The following ATRAID variants were observed in gnomAD, a reference collection of about 807,000 sequenced individuals.
ATRAID encodes the protein all-trans retinoic acid-induced differentiation factor.
A neutral mutation model predicts 28.8 loss-of-function variants in ATRAID; 26 were observed. That is an observed-to-expected ratio of 0.90 (90% CI 0.66 to 1.25). The LOEUF (loss-of-function observed/expected upper bound fraction) is 1.25, where lower values mean the gene tolerates loss of function less well. Ranked by LOEUF, ATRAID falls within the 50% of genes most tolerant of loss-of-function variation. The probability of loss-of-function intolerance (pLI) is 0.00; values close to 1 mark genes in which losing one functional copy is unlikely to be tolerated. For missense variants in ATRAID, 308 were observed against 285.9 expected, an observed-to-expected ratio of 1.08 and a Z score of -0.56; for synonymous variants, 131 against 108.5, an observed-to-expected ratio of 1.21 and a Z score of -1.29.
chr2:27,215,697 T>C lies in ATRAID; in HGVS notation c.431T>C (p.Ile144Thr). The C allele has an allele frequency of 6.2e-7, 1 of 1,614,248 alleles. No individual in the cohort carries two copies. Among genetic ancestry groups the C allele is most frequent in the Non-Finnish European group, 8.5e-7 (1 of 1,180,044 alleles). ...GCCTGGAATACTATCACCTCTTATA[T>C]AGACAACCAAATCTGTCAAGGGCAA... The part of the protein sequence containing the change: ...INAWNTITSY[I>T]DNQICQGQKN... The change falls in exon 5 of 7, where the codon ATA becomes ACA. Residue 144 changes from isoleucine to threonine, a missense_variant. Ile to Thr is a moderately conservative substitution (Grantham distance 89, BLOSUM62 -1). Transcript: ENST00000380171.
chr2:27,216,483 A>G (rs999555123), intron 5 of ATRAID, 40 bp from the exon 6 acceptor site: 5 of 1,434,328 alleles, frequency 3.5e-6, no homozygotes, highest in Non-Finnish European at 4.9e-6. Context: ...GCCTAATGAA[A>G]TGGATAAAGT....
intron 1 of ATRAID, chr2:27,212,720 CT>C: frequency 8.4e-7 from 1 of 1,188,788 alleles, no homozygotes; most frequent in East Asian, 3.0e-5. Context: ...ACTTTAAGTT[CT>C]TTCTACAGAC....
At chr2:27,214,422 T>TC (rs1674747060) in intron 2 of ATRAID, among the ~76,000 whole-genome samples, 1 of 152,258 alleles carries the variant, frequency 6.6e-6, no homozygotes, top group Non-Finnish European at 1.5e-5. Context: ...GTGACTTTTT[T>TC]TTTTTAATTT....
chr2:27,215,693 T>A lies in ATRAID; in HGVS notation c.427T>A (p.Tyr143Asn), dbSNP rs747845423. 4 of 1,614,112 alleles carry A rather than the reference T, an allele frequency of 2.5e-6. No homozygotes were observed. Among genetic ancestry groups the A allele is most frequent in the Middle Eastern group, 1.6e-4 (1 of 6,084 alleles). Residue 143 changes from tyrosine (Y) to asparagine (N), a missense_variant, in exon 5 of 7, where the codon TAT becomes AAT. By Grantham distance (143) the Tyr-to-Asn change is moderately radical. Transcript: ENST00000380171. The part of the protein sequence containing the change: ...GINAWNTITS[Y>N]IDNQICQGQK... ...TAATGCCTGGAATACTATCACCTCT[T>A]ATATAGACAACCAAATCTGTCAAGG...
At chr2:27,216,680 A>G in intron 6 of ATRAID, 60 bp downstream of exon 6, 3 of 1,521,924 alleles carry the variant, frequency 2.0e-6, no homozygotes, top group South Asian at 2.3e-5. Context: ...GTCTTCTCAG[A>G]AAGGAGAGCC....
Position 27,212,556 on chromosome 2 carries a change from G to A in ATRAID, c.99+89G>A. 5 of 1,492,488 alleles carry A rather than the reference G, an allele frequency of 3.4e-6. No individual in the cohort carries two copies. In the South Asian group the frequency reaches 6.5e-5, roughly 19 times the overall value. 92.5% of individuals were successfully genotyped at this position (1,492,488 alleles called of 1,614,324 possible). A position where few individuals can be genotyped will look rare whatever the true frequency, so the allele number is the denominator to read the frequency against. Reference sequence around the variant, plus strand: ...CCAGCGGCTCCCCCTTCTCCTCGGCGGGCCTGCGGTTCTGATTTCGTCCCT... The same window carrying A: ...CCAGCGGCTCCCCCTTCTCCTCGGCAGGCCTGCGGTTCTGATTTCGTCCCT... On this transcript the variant is annotated intron_variant, in intron 1 of 6. Transcript: ENST00000380171.
chr2:27,216,266 T>C, intron 5 of ATRAID: 3 of 463,848 alleles, frequency 6.5e-6, no homozygotes, highest in Non-Finnish European at 7.8e-6. Context: ...TGTCATCAGT[T>C]AAGGCTATTT....
intron 2 of ATRAID, chr2:27,213,572 C>T: frequency 3.3e-6 from 1 of 301,274 alleles, no homozygotes; most frequent in African/African-American, 2.2e-5. Context: ...TCTCTTCTTT[C>T]CTTCATCTAC....
Position 27,215,704 on chromosome 2 carries a change from C to T in ATRAID, c.438C>T (p.Asn146=). The T allele has an allele frequency of 1.2e-6, 2 of 1,614,188 alleles. No homozygotes were observed. Among genetic ancestry groups the T allele is most frequent in the Non-Finnish European group, 1.7e-6 (2 of 1,180,034 alleles). The change falls in exon 5 of 7, where the codon AAC becomes AAT. Residue 146 remains asparagine, a synonymous_variant. Coordinates refer to ENST00000380171, the MANE Select transcript of ATRAID (RefSeq NM_001170795.4). ...ATACTATCACCTCTTATATAGACAACCAAATCTGTCAAGGGCAAAAGAACC... is the reference window on the plus strand; with the variant it reads ...ATACTATCACCTCTTATATAGACAATCAAATCTGTCAAGGGCAAAAGAACC... ...AWNTITSYID[N]QICQGQKNLC... is the part of the protein sequence containing the mutation.
chr2:27,213,718 C>A (rs1674711294), intron 2 of ATRAID, among the ~76,000 whole-genome samples: 1 of 152,076 alleles, frequency 6.6e-6, no homozygotes, highest in East Asian at 1.9e-4. Flanking sequence ...TAGTCCCAAC[C>A]CACTTTTCCA....
In ATRAID at chr2:27,216,909, G is replaced by A; in HGVS notation, c.651G>A (p.Leu217=). The A allele has an allele frequency of 1.2e-6, 2 of 1,614,094 alleles. No individual in the cohort carries two copies. The highest frequency in any genetic ancestry group is 8.5e-7 in the Non-Finnish European group (1 of 1,180,028). The change falls in exon 7 of 7, where the codon CTG becomes CTA. Residue 217 remains leucine, a synonymous_variant. Transcript: ENST00000380171. The part of the protein sequence containing the change: ...LGATTLSVSI[L]LWATQRRKAK... ...CCACCACTCTATCCGTCTCCATTCT[G>A]CTTTGGGCGACCCAGCGCCGAAAAG...
chr2:27,216,592 G>T lies in ATRAID; in HGVS notation c.557G>T (p.Gly186Val). Residue 186 changes from glycine to valine, a missense_variant, in exon 6 of 7, where the codon GGT becomes GTT. Transcript: ENST00000380171. Reference sequence around the variant, plus strand: ...CTTTTGCAGTGTGTTTGTGCTGATGGTTTCCATGGATACAAGTGTATGCGC... The same window carrying T: ...CTTTTGCAGTGTGTTTGTGCTGATGTTTTCCATGGATACAAGTGTATGCGC... ...PGLLQCVCAD[G>V]FHGYKCMRQG... The T allele has an allele frequency of 6.2e-7, 1 of 1,614,130 alleles. No individual in the cohort carries two copies. Among genetic ancestry groups the T allele is most frequent in the Non-Finnish European group, 8.5e-7 (1 of 1,179,992 alleles).
Position 27,212,307 on chromosome 2 carries a change from C to T in ATRAID, c.-62C>T. On this transcript the variant is annotated 5_prime_UTR_variant, in exon 1 of 7. Coordinates refer to ENST00000380171, the MANE Select transcript of ATRAID (RefSeq NM_001170795.4). The stretch of plus-strand genomic sequence containing the variant: ...CACGCCCGGGGAAGAGGGCCTGACG[C>T]GCTGCGGGGCGGGGCCGCGGGGCCG... The T allele has an allele frequency of 6.5e-7, 1 of 1,549,724 alleles. No individual in the cohort carries two copies. Among genetic ancestry groups the T allele is most frequent in the Non-Finnish European group, 8.7e-7 (1 of 1,146,432 alleles).
At chr2:27,213,706 A>T (rs199832568) in intron 2 of ATRAID, among the ~76,000 whole-genome samples, 47 of 152,236 alleles carry the variant, frequency 3.1e-4, no homozygotes, top group East Asian at 1.4e-3. Context: ...TAAGTACCAT[A>T]CTAGTCCCAA....
Position 27,212,392 on chromosome 2 carries a change from T to G in ATRAID, c.24T>G (p.Ser8Arg), listed in dbSNP as rs915873588. Residue 8 changes from serine (S) to arginine (R), a missense_variant, in exon 1 of 7, where the codon AGT becomes AGG. Coordinates refer to ENST00000380171, the MANE Select transcript of ATRAID (RefSeq NM_001170795.4). MAPHDPG[S>R]LTTLVPWAAA... The stretch of plus-strand genomic sequence containing the variant: ...AAATGGCGCCTCACGACCCGGGTAG[T>G]CTTACGACCCTGGTGCCCTGGGCTG... 3 of 1,550,836 alleles carry G rather than the reference T, an allele frequency of 1.9e-6. No individual in the cohort carries two copies. Among genetic ancestry groups the G allele is most frequent in the Non-Finnish European group, 2.6e-6 (3 of 1,147,122 alleles).
chr2:27,212,134 G>A lies in ATRAID; in HGVS notation c.-235G>A, dbSNP rs535442818. On this transcript the variant is annotated 5_prime_UTR_variant, in exon 1 of 7. Coordinates refer to ENST00000380171, the MANE Select transcript of ATRAID (RefSeq NM_001170795.4). ...GGCTCCGGGAAGCCGCGCGGCGACG[G>A]GGGAGGCCTTCACTAAAGGGGAAAA... is the stretch of plus-strand genomic sequence containing the variant. The A allele has an allele frequency of 4.0e-6, 6 of 1,516,758 alleles. No homozygotes were observed. In the South Asian group the frequency reaches 6.3e-5, roughly 16 times the overall value. 94.0% of individuals were successfully genotyped at this position (1,516,758 alleles called of 1,614,324 possible). A position where few individuals can be genotyped will look rare whatever the true frequency, so the allele number is the denominator to read the frequency against.
At chr2:27,213,872 C>T (rs575195470) in intron 2 of ATRAID, among the ~76,000 whole-genome samples, 1 of 152,302 alleles carries the variant, frequency 6.6e-6, no homozygotes, top group South Asian at 2.1e-4. Flanking sequence ...AGGAAATATC[C>T]ATCCTTCAAT....
chr2:27,213,360 A>G, intron 2 of ATRAID, 62 bp downstream of exon 2: 2 of 1,553,592 alleles, frequency 1.3e-6, no homozygotes, highest in Non-Finnish European at 8.7e-7. Context: ...CTGCTTTTAT[A>G]CCCTTATATT....
chr2:27,212,118 A>C lies in ATRAID; in HGVS notation c.-251A>C. ...GAGGGAGTCTGCAGTCGGCTCCGGG[A>C]AGCCGCGCGGCGACGGGGGAGGCCT... On this transcript the variant is annotated 5_prime_UTR_variant, in exon 1 of 7. Coordinates refer to ENST00000380171, the MANE Select transcript of ATRAID (RefSeq NM_001170795.4). 6.7e-7 allele frequency: 1 copy of C among 1,496,824 alleles called. No homozygotes were observed. The highest frequency in any genetic ancestry group is 8.9e-7 in the Non-Finnish European group (1 of 1,125,892). 92.7% of individuals were successfully genotyped at this position (1,496,824 alleles called of 1,614,324 possible).
Sources: gnomAD v4.1 joint callset for allele counts (sites outside exome capture counted in the v4.1 genomes callset) on GRCh38, gnomAD v4.1.1 for gene constraint, MANE v1.5 for transcripts, NCBI Gene and HGNC (gene_info 2026-07-23, HGNC 2026-07-21) for gene names.